The following GALNT17 variants were observed in gnomAD, a reference collection of about 807,000 sequenced individuals.
GALNT17 encodes the protein UDP-GalNAc:polypeptide N-acetylgalactosaminyltransferase-like 3.
A neutral mutation model predicts 63.7 loss-of-function variants in GALNT17; 29 were observed. That is an observed-to-expected ratio of 0.46 (90% CI 0.34 to 0.62). The LOEUF is 0.62. Among genes scored for constraint, GALNT17 ranks in the 20% least tolerant of loss-of-function variants. GALNT17 has a pLI of 0.01. For missense variants in GALNT17, 603 were observed against 799.6 expected (o/e 0.75, Z 2.97); for synonymous variants, 305 against 318.3 (o/e 0.96, Z 0.45).
At chr7:71,362,166 C>T (rs1481611430) in intron 2 of GALNT17, among the ~76,000 whole-genome samples, 4 of 152,112 alleles carry the variant, frequency 2.6e-5, no homozygotes, top group Non-Finnish European at 5.9e-5. Context: ...CCATGTTGGC[C>T]AGGCTGGTCT....
chr7:71,339,717 G>A (rs1020713483), intron 2 of GALNT17, among the ~76,000 whole-genome samples: 11 of 151,868 alleles, frequency 7.2e-5, no homozygotes, highest in Non-Finnish European at 1.6e-4. Context: ...ATTGAAATTG[G>A]GAGAGGGATA....
chr7:71,595,240 G>A (rs1789867975), intron 6 of GALNT17, among the ~76,000 whole-genome samples: 1 of 152,084 alleles, frequency 6.6e-6, no homozygotes. Context: ...TGGACGACAA[G>A]GCAAGACCCT....
chr7:71,308,038 C>A (rs2115923161), intron 1 of GALNT17, among the ~76,000 whole-genome samples: 1 of 152,004 alleles, frequency 6.6e-6, no homozygotes, highest in Admixed American at 6.6e-5. Context: ...CCATTTCATC[C>A]AATTCTGGGA....
At chr7:71,610,124 TAATAA>T (rs773533035) in intron 6 of GALNT17, among the ~76,000 whole-genome samples, 31 of 152,036 alleles carry the variant, frequency 2.0e-4, no homozygotes, top group Non-Finnish European at 3.1e-4. Context: ...GATCACAATA[TAATAA>T]AATCAAAAAT....
intron 3 of GALNT17, among the ~76,000 whole-genome samples, chr7:71,415,077 A>G (rs1467347872): frequency 2.0e-5 from 3 of 152,026 alleles, no homozygotes; most frequent in Admixed American, 6.6e-5. Context: ...TAGTGTAACT[A>G]TAGCTCACTG....
chr7:71,343,869 A>C (rs1036587843), intron 2 of GALNT17, among the ~76,000 whole-genome samples: 1 of 151,524 alleles, frequency 6.6e-6, no homozygotes, highest in Non-Finnish European at 1.5e-5. Context: ...TGCTTTTTGT[A>C]TATAAGTAGG....
chr7:71,347,496 C>T (rs1792116963), intron 2 of GALNT17, among the ~76,000 whole-genome samples: 1 of 152,138 alleles, frequency 6.6e-6, no homozygotes, highest in Non-Finnish European at 1.5e-5. Flanking sequence ...TGGCCATACC[C>T]CTTATCATCT....
chr7:71,436,399 T>G (rs1486306096), intron 5 of GALNT17, among the ~76,000 whole-genome samples: 1 of 152,030 alleles, frequency 6.6e-6, no homozygotes, highest in Non-Finnish European at 1.5e-5. Flanking sequence ...GAGGACACTC[T>G]TATTGTATGT....
Position 71,608,852 on chromosome 7 carries a change from C to T in GALNT17, c.1080+37450C>T, listed in dbSNP as rs1000091079. ...GGAGTGCACTGGTGCAATCATAGCT[C>T]ACTGCAGCCATGAGCTCCTAGGCTC... is the stretch of plus-strand genomic sequence containing the variant. On this transcript the variant is annotated intron_variant, in intron 6 of 10. Coordinates refer to ENST00000333538, the MANE Select transcript of GALNT17 (RefSeq NM_022479.3). Among the ~76,000 whole-genome samples the T allele has an allele frequency of 3.9e-5, 6 of 152,062 alleles. No individual in the cohort carries two copies. In the South Asian group the frequency reaches 1.0e-3, roughly 26 times the overall value.
At chr7:71,181,434 C>T (rs185927876) in intron 1 of GALNT17, among the ~76,000 whole-genome samples, 12 of 152,160 alleles carry the variant, frequency 7.9e-5, no homozygotes, top group African/African-American at 2.6e-4. Context: ...TCATTCTTGA[C>T]CCCAGGGCCT....
At chr7:71,266,345 G>A (rs145712205) in intron 1 of GALNT17, among the ~76,000 whole-genome samples, 13 of 152,154 alleles carry the variant, frequency 8.5e-5, no homozygotes, top group East Asian at 7.7e-4. Flanking sequence ...TCATGGGAGC[G>A]GACTTCCCCC....
At chr7:71,315,729 G>C (rs963039410) in intron 1 of GALNT17, among the ~76,000 whole-genome samples, 6 of 152,132 alleles carry the variant, frequency 3.9e-5, no homozygotes, top group Non-Finnish European at 5.9e-5. Context: ...CGCAAGAGTT[G>C]GTGGGGAAAA....
chr7:71,536,516 A>G (rs1190900124), intron 5 of GALNT17, among the ~76,000 whole-genome samples: 3 of 152,190 alleles, frequency 2.0e-5, no homozygotes, highest in African/African-American at 7.2e-5. Flanking sequence ...GCGGGAGGTG[A>G]AAGGCACTTC....
intron 1 of GALNT17, among the ~76,000 whole-genome samples, chr7:71,282,586 G>A (rs1790796609): frequency 6.6e-6 from 1 of 152,158 alleles, no homozygotes; most frequent in Admixed American, 6.5e-5. Context: ...GGAAAATCCT[G>A]CATAAGGGCA....
intron 2 of GALNT17, among the ~76,000 whole-genome samples, chr7:71,343,880 C>A (rs930556545): frequency 1.3e-5 from 2 of 151,152 alleles, no homozygotes; most frequent in African/African-American, 4.9e-5. Flanking sequence ...TATAAGTAGG[C>A]TTATTTTCTC....
chr7:71,330,914 C>T (rs1183484148), intron 1 of GALNT17, among the ~76,000 whole-genome samples: 2 of 152,124 alleles, frequency 1.3e-5, no homozygotes, highest in Admixed American at 6.6e-5. Context: ...CCCCTTCTTG[C>T]TCCTGGGCTC....
chr7:71,526,863 G>A (rs1788633560), intron 5 of GALNT17, among the ~76,000 whole-genome samples: 1 of 152,104 alleles, frequency 6.6e-6, no homozygotes, highest in African/African-American at 2.4e-5. Context: ...TCCAGATACA[G>A]CCTCAGCCCC....
rs1004550696 is a variant in GALNT17 at position 71,419,383 on chromosome 7, C to T, written c.765-1525C>T. Among the ~76,000 whole-genome samples, 12 of 152,234 alleles carry T rather than the reference C, an allele frequency of 7.9e-5. 1 individual carries two copies. Among genetic ancestry groups the T allele is most frequent in the South Asian group, 4.2e-4 (2 of 4,816 alleles). The stretch of plus-strand genomic sequence containing the variant: ...TGCTGATCATTGTATCTACCTCATA[C>T]GATTATCTTGGGGGTTGCATTAGTC... On this transcript the variant is annotated intron_variant, in intron 4 of 10. Coordinates refer to ENST00000333538, the MANE Select transcript of GALNT17 (RefSeq NM_022479.3).
At position 71,132,581 on chromosome 7, in the gene GALNT17, C is replaced by T. The variant is rs1460201210; in HGVS notation, c.-222C>T. The T allele has an allele frequency of 3.6e-6, 2 of 551,244 alleles. No homozygotes were observed. Among genetic ancestry groups the T allele is most frequent in the Non-Finnish European group, 6.4e-6 (2 of 313,044 alleles). The allele number at this position is 551,244 out of a possible 1,614,324, so 34.1% of individuals were successfully genotyped here. On this transcript the variant is annotated 5_prime_UTR_variant, in exon 1 of 11. Transcript: ENST00000333538. ...TGAGCAGGCGTCTCGGGGAGCACTT[C>T]TGCAGAGCGAGGACTTCCATGTGAG...
Sources: gnomAD v4.1 joint callset for allele counts (sites outside exome capture counted in the v4.1 genomes callset) on GRCh38, gnomAD v4.1.1 for gene constraint, MANE v1.5 for transcripts, NCBI Gene and HGNC (gene_info 2026-07-23, HGNC 2026-07-21) for gene names.